The following ZNF264 variants were observed in gnomAD, a reference collection of about 807,000 sequenced individuals.
The protein encoded by ZNF264 is zinc finger protein 264.
A neutral mutation model predicts 11.2 loss-of-function variants in ZNF264; 11 were observed. The observed-to-expected ratio is 0.98, with a 90% CI of 0.62 to 1.63. The LOEUF (loss-of-function observed/expected upper bound fraction) is 1.63. Among genes scored for constraint, ZNF264 ranks in the 40% most tolerant of loss-of-function variants. The probability of loss-of-function intolerance (pLI) is 0.00; values close to 1 mark genes in which losing one functional copy is unlikely to be tolerated. For missense variants in ZNF264, 752 were observed against 768.1 expected (o/e 0.98, Z 0.25); for synonymous variants, 309 against 279.8 (o/e 1.10, Z -1.04).
chr19:57,199,055 G>A (rs1211638294), intron 2 of ZNF264, among the ~76,000 whole-genome samples: 2 of 151,118 alleles, frequency 1.3e-5, no homozygotes, highest in Non-Finnish European at 2.9e-5. Context: ...TGGGAACACT[G>A]TGATTAATTA....
rs114800620 is a variant in ZNF264, at chr19:57,214,157, A to G, written c.*1176A>G. The G allele has an allele frequency of 5.3e-5, 8 of 152,332 alleles. No individual in the cohort carries two copies. The highest frequency in any genetic ancestry group is 1.7e-4 in the African/African-American group (7 of 41,580). The allele number at this position is 152,332 out of a possible 1,614,324, so 9.4% of individuals were successfully genotyped here. ...AATCCTTGGAATTTTCTATATAGAA[A>G]TGTCATCTGCAAATACAGACCATTT... is the stretch of plus-strand genomic sequence containing the variant. On this transcript the variant is annotated 3_prime_UTR_variant, in exon 4 of 4. Transcript: ENST00000263095.
intron 1 of ZNF264, chr19:57,193,467 C>T: frequency 1.0e-6 from 1 of 985,050 alleles, no homozygotes; most frequent in Non-Finnish European, 1.2e-6. Flanking sequence ...CTAGGAACTT[C>T]TAGTCACTGT....
intron 2 of ZNF264, among the ~76,000 whole-genome samples, chr19:57,198,608 A>G (rs2087229492): frequency 6.6e-6 from 1 of 151,798 alleles, no homozygotes; most frequent in Non-Finnish European, 1.5e-5. Context: ...CACTGGACCC[A>G]CTGTAAGTCA....
chr19:57,196,589 A>G (rs2087213299), intron 2 of ZNF264, among the ~76,000 whole-genome samples: 1 of 151,838 alleles, frequency 6.6e-6, no homozygotes, highest in African/African-American at 2.4e-5. Context: ...CCCTGCCACT[A>G]TGACCATTTT....
rs1025860993 is a variant in ZNF264 at position 57,221,792 on chromosome 19, A to T, written c.*8811A>T. ...GTTATCCCCCTTTCAGCTGGGGGGA[A>T]AAAAAGGCACCGAAAAACAGGGCAG... On this transcript the variant is annotated 3_prime_UTR_variant, in exon 4 of 4. Transcript: ENST00000263095. 6.6e-6 allele frequency: 1 copy of T among 151,848 alleles called. No homozygotes were observed. The highest frequency in any genetic ancestry group is 6.6e-5 in the Admixed American group (1 of 15,252). The allele number at this position is 151,848 out of a possible 1,614,324, so 9.4% of individuals were successfully genotyped here.
chr19:57,210,728 T>C (rs1406679680), intron 3 of ZNF264, among the ~76,000 whole-genome samples: 1 of 152,202 alleles, frequency 6.6e-6, no homozygotes, highest in Non-Finnish European at 1.5e-5. Flanking sequence ...AGCCCTAACC[T>C]TCTAATCACG....
In ZNF264 at chr19:57,217,376, A is replaced by C. The variant is rs1222582997; in HGVS notation, c.*4395A>C. ...AATGTAACTATCTTAAGTAATAGTAATTCCTCTTCAAAAATTGAGCGCTAT... is the reference window on the plus strand; with the variant it reads ...AATGTAACTATCTTAAGTAATAGTACTTCCTCTTCAAAAATTGAGCGCTAT... On this transcript the variant is annotated 3_prime_UTR_variant, in exon 4 of 4. Transcript: ENST00000263095. 1 of 152,004 alleles carries C rather than the reference A, an allele frequency of 6.6e-6. No homozygotes were observed. Among genetic ancestry groups the C allele is most frequent in the Non-Finnish European group, 1.5e-5 (1 of 67,996 alleles). 9.4% of individuals were successfully genotyped at this position (152,004 alleles called of 1,614,324 possible).
At position 57,219,934 on chromosome 19, in the gene ZNF264, G is replaced by C. The variant is rs2087405423; in HGVS notation, c.*6953G>C. On this transcript the variant is annotated 3_prime_UTR_variant, in exon 4 of 4. Transcript: ENST00000263095. ...GGATGCACCCATAATTATAATGAGA[G>C]CAGGTGAATGTCATGTGGCTATGTA... 1 of 152,264 alleles carries C rather than the reference G, an allele frequency of 6.6e-6. No homozygotes were observed. Among genetic ancestry groups the C allele is most frequent in the South Asian group, 2.1e-4 (1 of 4,834 alleles). 9.4% of individuals were successfully genotyped at this position (152,264 alleles called of 1,614,324 possible).
chr19:57,211,703 C>G lies in ZNF264; in HGVS notation c.606C>G (p.Asn202Lys), dbSNP rs151116224. Residue 202 changes from asparagine (N) to lysine (K), a missense_variant, in exon 4 of 4, where the codon AAC (asparagine) becomes AAG (lysine). Asn to Lys is a moderately conservative substitution (Grantham distance 94). Transcript: ENST00000263095. Reference sequence around the variant, plus strand: ...CCATGATTCAGGAAGAGGAAAATAACTTTAAATGCAGTGAATGTGGAAAAG... The same window carrying G: ...CCATGATTCAGGAAGAGGAAAATAAGTTTAAATGCAGTGAATGTGGAAAAG... ...KDPMIQEEENNFKCSECGKVF... is the reference protein window; with the variant it reads ...KDPMIQEEENKFKCSECGKVF... 6.2e-7 allele frequency: 1 copy of G among 1,614,142 alleles called. No homozygotes were observed. The highest frequency in any genetic ancestry group is 2.2e-5 in the East Asian group (1 of 44,890).
At chr19:57,197,943 G>A (rs781544987) in intron 2 of ZNF264, among the ~76,000 whole-genome samples, 1 of 151,926 alleles carries the variant, frequency 6.6e-6, no homozygotes, top group Non-Finnish European at 1.5e-5. Flanking sequence ...GGATCCAGTC[G>A]GCATAATGTC....
rs1222269933 is a variant in ZNF264, at chr19:57,220,179, TCTC to T, written c.*7199_*7201del. On this transcript the variant is annotated 3_prime_UTR_variant, in exon 4 of 4. Transcript: ENST00000263095. The stretch of plus-strand genomic sequence containing the variant: ...TCATGTCTTTAACCACTTTATTGCT[TCTC>T]ATGTTGGGGGGTTTGTTTTCTGGTC... 4 of 152,256 alleles carry T rather than the reference TCTC, an allele frequency of 2.6e-5. No homozygotes were observed. Among genetic ancestry groups the T allele is most frequent in the African/African-American group, 9.6e-5 (4 of 41,462 alleles). The allele number at this position is 152,256 out of a possible 1,614,324, so 9.4% of individuals were successfully genotyped here.
In ZNF264 at chr19:57,214,749, TC is replaced by T. The variant is rs1362533275; in HGVS notation, c.*1769del. 1 of 152,234 alleles carries T rather than the reference TC, an allele frequency of 6.6e-6. No homozygotes were observed. The highest frequency in any genetic ancestry group is 2.4e-5 in the African/African-American group (1 of 41,462). 9.4% of individuals were successfully genotyped at this position (152,234 alleles called of 1,614,324 possible). A position where few individuals can be genotyped will look rare whatever the true frequency, so the allele number is the denominator to read the frequency against. ...TCCTCTGTTCCCAGTTTTCTGAGAC[TC>T]TGTGTTGCTATGAATAAGTGTGGAA... On this transcript the variant is annotated 3_prime_UTR_variant, in exon 4 of 4. Coordinates refer to ENST00000263095, the MANE Select transcript of ZNF264 (RefSeq NM_003417.5).
chr19:57,212,590 T>C lies in ZNF264; in HGVS notation c.1493T>C (p.Leu498Pro), dbSNP rs1398909527. The C allele has an allele frequency of 6.2e-7, 1 of 1,614,204 alleles. No individual in the cohort carries two copies. The highest frequency in any genetic ancestry group is 1.7e-5 in the Admixed American group (1 of 60,030). ...CGKAFTRMSG[L>P]TRHKRIHSGE... ...AAGGCCTTCACCCGCATGTCGGGCC[T>C]CACGAGGCACAAGCGGATTCATAGT... The change falls in exon 4 of 4, where the codon CTC becomes CCC. Residue 498 changes from leucine to proline, a missense_variant. Physicochemically the swap from Leu to Pro is moderately conservative, Grantham distance 98. Transcript: ENST00000263095.
Position 57,220,816 on chromosome 19 carries a change from G to C in ZNF264, c.*7835G>C, listed in dbSNP as rs2087411704. On this transcript the variant is annotated 3_prime_UTR_variant, in exon 4 of 4. Transcript: ENST00000263095. ...GGGCCACCATGCCCGGCTAATTTTT[G>C]TATTTTTTGTAGACACGGGGTTTCA... 1.3e-5 allele frequency: 2 copies of C among 152,064 alleles called. No homozygotes were observed. The highest frequency in any genetic ancestry group is 4.8e-5 in the African/African-American group (2 of 41,386). 9.4% of individuals were successfully genotyped at this position (152,064 alleles called of 1,614,324 possible).
At chr19:57,192,121 C>T (rs1208801576) in intron 1 of ZNF264, among the ~76,000 whole-genome samples, 175 bp downstream of exon 1, 1 of 152,140 alleles carries the variant, frequency 6.6e-6, no homozygotes, top group Non-Finnish European at 1.5e-5. Context: ...GTTGGGCCTA[C>T]TGGAAGGAGC....
chr19:57,212,500 A>G lies in ZNF264; in HGVS notation c.1403A>G (p.Lys468Arg). The G allele has an allele frequency of 5.0e-6, 8 of 1,612,260 alleles. No homozygotes were observed. Among genetic ancestry groups the G allele is most frequent in the Non-Finnish European group, 5.9e-6 (7 of 1,179,584 alleles). ...KECGKAFSNR[K>R]DLIRHFSIHT... ...TGTGGGAAAGCCTTTAGCAATCGGA[A>G]GGACCTCATTCGCCACTTCAGCATC... is the stretch of plus-strand genomic sequence containing the variant. Residue 468 changes from lysine (K) to arginine (R), a missense_variant, in exon 4 of 4, where the codon AAG (lysine) becomes AGG (arginine). Coordinates refer to ENST00000263095, the MANE Select transcript of ZNF264 (RefSeq NM_003417.5).
chr19:57,191,793 A>AGGC lies in ZNF264; in HGVS notation c.-114_-112dup. Reference sequence around the variant, plus strand: ...GTCTGGAACGCCGTTGCCACCGAGGAGGCGGCGGCCCCGAGCGCGCCTGGA... The same window carrying AGGC: ...GTCTGGAACGCCGTTGCCACCGAGGAGGCGGCGGCGGCCCCGAGCGCGCCTGGA... On this transcript the variant is annotated 5_prime_UTR_variant, in exon 1 of 4. Transcript: ENST00000263095. 1 of 698,934 alleles carries AGGC rather than the reference A, an allele frequency of 1.4e-6. No individual in the cohort carries two copies. The highest frequency in any genetic ancestry group is 2.0e-6 in the Non-Finnish European group (1 of 500,158). The allele number at this position is 698,934 out of a possible 1,614,324, so 43.3% of individuals were successfully genotyped here. A position where few individuals can be genotyped will look rare whatever the true frequency, so the allele number is the denominator to read the frequency against.
chr19:57,210,062 A>G (rs994991014), intron 3 of ZNF264, among the ~76,000 whole-genome samples: 1 of 152,012 alleles, frequency 6.6e-6, no homozygotes. Context: ...TATCACCTTC[A>G]CTGTCACCCA....
At chr19:57,201,450 TA>T (rs1405727987) in intron 2 of ZNF264, among the ~76,000 whole-genome samples, 4 of 151,978 alleles carry the variant, frequency 2.6e-5, no homozygotes, top group African/African-American at 9.7e-5. Flanking sequence ...ATAACTCAGT[TA>T]AGCAGCCCAC....
Sources: gnomAD v4.1 joint callset for allele counts (sites outside exome capture counted in the v4.1 genomes callset) on GRCh38, gnomAD v4.1.1 for gene constraint, MANE v1.5 for transcripts, NCBI Gene and HGNC (gene_info 2026-07-23, HGNC 2026-07-21) for gene names.